Variants in GGT7 observed in about 807,000 individuals in gnomAD.
The protein encoded by GGT7 is gamma-glutamyltransferase 7, also known as glutathione hydrolase 7.
In GGT7, 30 loss-of-function variants were observed where a neutral mutation model predicts 69.2. That is an observed-to-expected ratio of 0.43 (90% CI 0.32 to 0.59). The LOEUF (loss-of-function observed/expected upper bound fraction) is 0.59, where lower values mean the gene tolerates loss of function less well. Ranked by LOEUF, GGT7 falls within the 20% of genes least tolerant of loss-of-function variation. GGT7 has a pLI of 0.05. For missense variants in GGT7, 733 were observed against 901.1 expected, an observed-to-expected ratio of 0.81 and a Z score of 2.39; for synonymous variants, 388 against 391.8, an observed-to-expected ratio of 0.99 and a Z score of 0.12.
At chr20:34,864,380 G>A (rs773362565) in intron 1 of GGT7, among the ~76,000 whole-genome samples, 4 of 152,132 alleles carry the variant, frequency 2.6e-5, no homozygotes, top group Non-Finnish European at 5.9e-5. Context: ...AGGCCTGGGC[G>A]GCTCTGGTGT....
chr20:34,848,206 G>T (rs2079329962), intron 14 of GGT7, among the ~76,000 whole-genome samples: 1 of 152,226 alleles, frequency 6.6e-6, no homozygotes, highest in Non-Finnish European at 1.5e-5. Context: ...AAGGTGCTGG[G>T]TAAATTGAGA....
At chr20:34,852,082 G>A in intron 12 of GGT7, 73 bp downstream of exon 12, 2 of 899,740 alleles carry the variant, frequency 2.2e-6, no homozygotes, top group East Asian at 2.4e-5. Context: ...TAGGGAGAAA[G>A]GGGCAGCCAT....
intron 3 of GGT7, 66 bp downstream of exon 3, chr20:34,862,748 C>A (rs2079618470): frequency 1.3e-6 from 2 of 1,503,336 alleles, no homozygotes; most frequent in Non-Finnish European, 1.9e-6. Context: ...GAGTGCTGCA[C>A]ATGAGGCCTA....
At chr20:34,848,557 C>G (rs183560500) in intron 14 of GGT7, among the ~76,000 whole-genome samples, 1 of 152,238 alleles carries the variant, frequency 6.6e-6, no homozygotes, top group Admixed American at 6.5e-5. Flanking sequence ...AAGGATGTGG[C>G]CTTGTCATCT....
At position 34,845,112 on chromosome 20, in the gene GGT7, TCACCACCACCACCACCACCACCACCAC is replaced by T; in HGVS notation, c.*189_*215del. ...CTGGCTGTACTGTAGATGCTGACACTCACCACCACCACCACCACCACCACCACCACCACCACCACCACAGGCCTCCTG... is the reference window on the plus strand; with the variant it reads ...CTGGCTGTACTGTAGATGCTGACACTCACCACCACCACCACAGGCCTCCTG... On this transcript the variant is annotated 3_prime_UTR_variant, in exon 15 of 15. Transcript: ENST00000336431. 1 of 388,896 alleles carries T rather than the reference TCACCACCACCACCACCACCACCACCAC, an allele frequency of 2.6e-6. No individual in the cohort carries two copies. The highest frequency in any genetic ancestry group is 4.7e-6 in the Non-Finnish European group (1 of 211,504). 24.1% of individuals were successfully genotyped at this position (388,896 alleles called of 1,614,324 possible). A position where few individuals can be genotyped will look rare whatever the true frequency, so the allele number is the denominator to read the frequency against.
At chr20:34,866,458 A>T (rs1010613844) in intron 1 of GGT7, among the ~76,000 whole-genome samples, 1 of 152,176 alleles carries the variant, frequency 6.6e-6, no homozygotes, top group Non-Finnish European at 1.5e-5. Flanking sequence ...CTCTAAAAAA[A>T]ATTAACACAT....
chr20:34,848,769 G>A (rs942523534), intron 14 of GGT7, among the ~76,000 whole-genome samples: 9 of 152,144 alleles, frequency 5.9e-5, no homozygotes, highest in Non-Finnish European at 1.2e-4. Context: ...TAACTTCTGT[G>A]AGCCTCAGTT....
Position 34,849,972 on chromosome 20 carries a change from A to T in GGT7, c.1814T>A (p.Leu605Gln). ...TGCTCTGCACTCACTGTCCACCTGC[A>T]GGAGGTTGGACTGCAGGTCCGGGTG... The part of the protein sequence containing the change: ...RLHPDLQSNL[L>Q]QVDSEFTEEE... Residue 605 changes from leucine to glutamine, a missense_variant, in exon 14 of 15, where the codon CTG (leucine) becomes CAG (glutamine). Transcript: ENST00000336431. The T allele has an allele frequency of 6.2e-7, 1 of 1,606,522 alleles. No individual in the cohort carries two copies. Among genetic ancestry groups the T allele is most frequent in the Non-Finnish European group, 8.5e-7 (1 of 1,173,360 alleles).
chr20:34,863,527 G>C lies in GGT7; in HGVS notation c.191C>G (p.Ser64Cys). Residue 64 changes from serine to cysteine, a missense_variant, in exon 2 of 15, where the codon TCT (serine) becomes TGT (cysteine). Physicochemically the swap from Ser to Cys is moderately radical, Grantham distance 112. Coordinates refer to ENST00000336431, the MANE Select transcript of GGT7 (RefSeq NM_178026.3). The surrounding 1 kb of genome is among the most constrained non-coding windows in gnomAD (Gnocchi z 4.4). ...PDTDPDSFLK[S>C]ARLQRLPSSS... ...CGATGGCAGCCGCTGCAGCCGTGCA[G>C]ACTTCAGGAAGGAGTCCGGGTCTGC... 1 of 1,589,890 alleles carries C rather than the reference G, an allele frequency of 6.3e-7. No individual in the cohort carries two copies. Among genetic ancestry groups the C allele is most frequent in the Non-Finnish European group, 8.6e-7 (1 of 1,168,306 alleles).
At chr20:34,852,333 C>T (rs2079409949) in intron 11 of GGT7, 56 bp downstream of exon 11, 16 of 1,606,714 alleles carry the variant, frequency 1.0e-5, no homozygotes, top group Non-Finnish European at 1.2e-5. Flanking sequence ...CCAGCCCCCA[C>T]CCCCTCTTGG....
rs534867584 is a variant in GGT7 at position 34,845,507 on chromosome 20, G to A, written c.1826-16C>T. ...GTGAACTCACCTGAAAACCATCCCC[G>A]ACATATACACATTCAGAATGTACAG... On this transcript the variant is annotated splice_polypyrimidine_tract_variant and intron_variant, in intron 14 of 14. Coordinates refer to ENST00000336431, the MANE Select transcript of GGT7 (RefSeq NM_178026.3). The A allele has an allele frequency of 3.4e-5, 55 of 1,610,086 alleles. No individual in the cohort carries two copies. Among genetic ancestry groups the A allele is most frequent in the South Asian group, 5.5e-5 (5 of 90,690 alleles).
At chr20:34,851,208 G>A in intron 13 of GGT7, 23 bp downstream of exon 13, 2 of 1,611,236 alleles carry the variant, frequency 1.2e-6, no homozygotes, top group Non-Finnish European at 1.7e-6. Context: ...GCTGAAAAAG[G>A]CCAACCATGG....
intron 1 of GGT7, among the ~76,000 whole-genome samples, chr20:34,867,768 G>A (rs772174339): frequency 4.6e-5 from 7 of 152,150 alleles, no homozygotes; most frequent in Non-Finnish European, 8.8e-5. Context: ...AAGAGTCTGT[G>A]TAACTAGAAA....
In GGT7 at chr20:34,863,423, C is replaced by T. The variant is rs1311344609; in HGVS notation, c.295G>A (p.Glu99Lys). ...RKDPFSAAAA[E>K]CSCRQDGLTV... ...AGCCCATCCTGGCGGCAGGAGCACT[C>T]GGCCGCTGCGGCGGAGAACGGGTCT... The change falls in exon 2 of 15, where the codon GAG (glutamate) becomes AAG (lysine). Residue 99 changes from glutamate to lysine, a missense_variant. Physicochemically the swap from Glu to Lys is moderately conservative, Grantham distance 56 (BLOSUM62 1). Transcript: ENST00000336431. The surrounding 1 kb of genome is among the most constrained non-coding windows in gnomAD (Gnocchi z 4.4). 4 of 1,613,460 alleles carry T rather than the reference C, an allele frequency of 2.5e-6. No individual in the cohort carries two copies. Among genetic ancestry groups the T allele is most frequent in the Non-Finnish European group, 3.4e-6 (4 of 1,179,942 alleles).
intron 4 of GGT7, 112 bp downstream of exon 4, chr20:34,861,333 C>A: frequency 2.0e-6 from 1 of 512,734 alleles, no homozygotes; most frequent in Non-Finnish European, 3.5e-6. Context: ...GAATCCTGCT[C>A]AACTCTTTTT....
At chr20:34,861,110 A>G (rs1297342084) in intron 4 of GGT7, among the ~76,000 whole-genome samples, 3 of 152,134 alleles carry the variant, frequency 2.0e-5, no homozygotes, top group African/African-American at 7.2e-5. Flanking sequence ...TAATCTTCCA[A>G]TATATCAAGG....
intron 8 of GGT7, among the ~76,000 whole-genome samples, chr20:34,855,246 G>A (rs2079471496): frequency 1.3e-5 from 2 of 152,286 alleles, no homozygotes; most frequent in East Asian, 3.9e-4. Context: ...GTGACCAGAT[G>A]TTCATATTCC....
chr20:34,863,287 TC>T lies in GGT7; in HGVS notation c.405+25del. 1 of 1,451,996 alleles carries T rather than the reference TC, an allele frequency of 6.9e-7. No individual in the cohort carries two copies. The highest frequency in any genetic ancestry group is 9.6e-7 in the Non-Finnish European group (1 of 1,041,312). The allele number at this position is 1,451,996 out of a possible 1,614,324, so 89.9% of individuals were successfully genotyped here. A position where few individuals can be genotyped will look rare whatever the true frequency, so the allele number is the denominator to read the frequency against. On this transcript the variant is annotated intron_variant, in intron 2 of 14. Coordinates refer to ENST00000336431, the MANE Select transcript of GGT7 (RefSeq NM_178026.3). This position sits in a 1 kb window ranked among gnomAD's most constrained non-coding sequence, Gnocchi z 4.4. ...CCCCACTCCCCACTCCCCAGTTTCC[TC>T]CCCCTCCCCATTTGTCCCCCTCACC... is the stretch of plus-strand genomic sequence containing the variant.
rs928389114 is a variant in GGT7 at position 34,844,966 on chromosome 20, T to C, written c.*362A>G. ...CCCAGGTCAGGCCAGTCTGAAGATG[T>C]TGGGGTTGTGAGACCCTTGAGAAGG... On this transcript the variant is annotated 3_prime_UTR_variant, in exon 15 of 15. Coordinates refer to ENST00000336431, the MANE Select transcript of GGT7 (RefSeq NM_178026.3). The C allele has an allele frequency of 4.2e-6, 1 of 238,368 alleles. No homozygotes were observed. The highest frequency in any genetic ancestry group is 8.2e-6 in the Non-Finnish European group (1 of 121,834). The allele number at this position is 238,368 out of a possible 1,614,324, so 14.8% of individuals were successfully genotyped here.
Sources: allele counts gnomAD v4.1 joint callset (sites outside exome capture counted in the v4.1 genomes callset), GRCh38; gene constraint gnomAD v4.1.1; non-coding constraint Gnocchi (gnomAD v3.1); transcripts MANE v1.5; gene names NCBI Gene and HGNC (gene_info 2026-07-23, HGNC 2026-07-21).